The following CACNA2D3 variants were observed in gnomAD, a reference collection of about 807,000 sequenced individuals.
The protein encoded by CACNA2D3 is voltage-dependent calcium channel subunit alpha-2/delta-3.
In CACNA2D3, 60 loss-of-function variants were observed where a neutral mutation model predicts 160.6. The ratio of observed to expected loss-of-function variants is 0.37; its 90% CI spans 0.30 to 0.46. The LOEUF is 0.46. Ranked by LOEUF, CACNA2D3 falls within the 20% of genes least tolerant of loss-of-function variation. CACNA2D3 has a pLI of 1.00. For synonymous variants in CACNA2D3, 558 were observed against 492.9 expected, an observed-to-expected ratio of 1.13 and a Z score of -1.75; for missense variants, 1,205 against 1,365.0, an observed-to-expected ratio of 0.88 and a Z score of 1.85.
chr3:54,294,160 A>G (rs946904312), intron 2 of CACNA2D3, among the ~76,000 whole-genome samples: 1 of 152,186 alleles, frequency 6.6e-6, no homozygotes, highest in African/African-American at 2.4e-5. Flanking sequence ...TTGGGAATTG[A>G]TGAGTAAGAA....
intron 4 of CACNA2D3, among the ~76,000 whole-genome samples, chr3:54,493,060 CTTTTTTTTTTTTTTTTTTTTTT>C (rs34225864): frequency 4.3e-4 from 25 of 58,798 alleles, no homozygotes; most frequent in African/African-American, 1.7e-3. Context: ...TTGCTCAAAA[CTTTTTTTTTTTTTTTTTTTTTT>C]TTTTTTTTTT....
At chr3:54,616,148 T>A (rs571331222) in intron 9 of CACNA2D3, among the ~76,000 whole-genome samples, 1 of 152,210 alleles carries the variant, frequency 6.6e-6, no homozygotes, top group South Asian at 2.1e-4. Context: ...TTATCTCATG[T>A]AGTTCCTGGA....
chr3:54,308,132 T>C (rs1249321334), intron 2 of CACNA2D3, among the ~76,000 whole-genome samples: 2 of 152,176 alleles, frequency 1.3e-5, no homozygotes, highest in African/African-American at 2.4e-5. Context: ...AATCTGAGGT[T>C]TCATCTGGTT....
At position 54,540,709 on chromosome 3, in the gene CACNA2D3, CT is replaced by C. The variant is rs145014746; in HGVS notation, c.545-22083del. Among the ~76,000 whole-genome samples, 8 of 151,954 alleles carry C rather than the reference CT, an allele frequency of 5.3e-5. No homozygotes were observed. The East Asian group carries it at 1.6e-3, about 30-fold the overall frequency. ...AGAGGAAGCGAGCTCTCTTATGTCTCTTTTTTTTAAAGGCACTAATTTCATC... is the reference window on the plus strand; with the variant it reads ...AGAGGAAGCGAGCTCTCTTATGTCTCTTTTTTTAAAGGCACTAATTTCATC... On this transcript the variant is annotated intron_variant, in intron 5 of 37. Coordinates refer to ENST00000474759, the MANE Select transcript of CACNA2D3 (RefSeq NM_018398.3).
At chr3:54,618,161 G>C (rs1305496555) in intron 9 of CACNA2D3, among the ~76,000 whole-genome samples, 1 of 151,502 alleles carries the variant, frequency 6.6e-6, no homozygotes, top group Non-Finnish European at 1.5e-5. Context: ...ACTCTGCATG[G>C]TATAAATGAA....
chr3:54,863,595 G>A (rs1699339633), intron 17 of CACNA2D3, among the ~76,000 whole-genome samples: 2 of 152,060 alleles, frequency 1.3e-5, no homozygotes, highest in Admixed American at 6.6e-5. Context: ...CTACAAAAAC[G>A]GTGGTGGGCT....
intron 11 of CACNA2D3, among the ~76,000 whole-genome samples, chr3:54,704,709 A>C (rs771043704): frequency 3.3e-5 from 5 of 152,144 alleles, no homozygotes; most frequent in African/African-American, 1.2e-4. Context: ...CCCATCTAAC[A>C]TGAGGCAGTG....
At chr3:54,759,167 C>T (rs543552616) in intron 12 of CACNA2D3, among the ~76,000 whole-genome samples, 10 of 152,274 alleles carry the variant, frequency 6.6e-5, no homozygotes, top group African/African-American at 1.7e-4. Flanking sequence ...TAGAGAAAAA[C>T]GAGCAGACCA....
At chr3:54,131,266 A>C (rs1203832707) in intron 2 of CACNA2D3, among the ~76,000 whole-genome samples, 1 of 152,226 alleles carries the variant, frequency 6.6e-6, no homozygotes, top group African/African-American at 2.4e-5. Flanking sequence ...ACTTCAGAGC[A>C]GGAGGAAGGC....
chr3:54,969,942 T>G (rs1373001441), intron 29 of CACNA2D3, 98 bp downstream of exon 29: 8 of 1,018,158 alleles, frequency 7.9e-6, no homozygotes, highest in Admixed American at 2.1e-5. Context: ...AAGGCCAGGT[T>G]GACGCATTGT....
chr3:54,345,039 AG>A (rs1430982793), intron 3 of CACNA2D3, among the ~76,000 whole-genome samples: 1 of 152,228 alleles, frequency 6.6e-6, no homozygotes, highest in Non-Finnish European at 1.5e-5. Flanking sequence ...GTTACCCTAT[AG>A]GGTCTAAAAA....
chr3:54,795,764 T>C (rs1237078954), intron 13 of CACNA2D3, among the ~76,000 whole-genome samples: 2 of 152,198 alleles, frequency 1.3e-5, no homozygotes, highest in Non-Finnish European at 2.9e-5. Flanking sequence ...AAGACCTGAC[T>C]TTCTATACTA....
intron 2 of CACNA2D3, among the ~76,000 whole-genome samples, chr3:54,148,091 C>T (rs1397973961): frequency 6.6e-6 from 1 of 152,238 alleles, no homozygotes; most frequent in Non-Finnish European, 1.5e-5. Flanking sequence ...GCCACTGCGC[C>T]CAGCTGATGG....
intron 4 of CACNA2D3, among the ~76,000 whole-genome samples, chr3:54,401,914 G>A (rs1305939874): frequency 6.6e-6 from 1 of 152,030 alleles, no homozygotes; most frequent in East Asian, 1.9e-4. Flanking sequence ...AGTCAAAACA[G>A]TCAAAAATAA....
At chr3:54,227,078 G>T (rs1033300703) in intron 2 of CACNA2D3, among the ~76,000 whole-genome samples, 3 of 152,168 alleles carry the variant, frequency 2.0e-5, no homozygotes, top group African/African-American at 7.2e-5. Context: ...CTGGCAGACC[G>T]GCAGGGTCAT....
At chr3:54,606,582 G>A (rs937034797) in intron 9 of CACNA2D3, among the ~76,000 whole-genome samples, 1 of 152,210 alleles carries the variant, frequency 6.6e-6, no homozygotes, top group East Asian at 1.9e-4. Flanking sequence ...AGTCTTGGGA[G>A]GATTGCCATT....
At chr3:54,560,865 T>C (rs1316385922) in intron 5 of CACNA2D3, among the ~76,000 whole-genome samples, 6 of 152,210 alleles carry the variant, frequency 3.9e-5, no homozygotes, top group Non-Finnish European at 7.3e-5. Context: ...TTGTCAGGTT[T>C]GTCAAAGATA....
At chr3:54,496,193 G>T (rs1324858773) in intron 4 of CACNA2D3, among the ~76,000 whole-genome samples, 1 of 152,130 alleles carries the variant, frequency 6.6e-6, no homozygotes, top group Admixed American at 6.5e-5. Context: ...GGGTCATATG[G>T]TAGATATATG....
At chr3:54,580,479 C>T (rs1702656349) in intron 8 of CACNA2D3, among the ~76,000 whole-genome samples, 1 of 152,076 alleles carries the variant, frequency 6.6e-6, no homozygotes, top group Non-Finnish European at 1.5e-5. Context: ...AGTTTTAAAG[C>T]ACAAACTCCC....
Sources: gnomAD v4.1 joint callset for allele counts (sites outside exome capture counted in the v4.1 genomes callset) on GRCh38, gnomAD v4.1.1 for gene constraint, MANE v1.5 for transcripts, NCBI Gene and HGNC (gene_info 2026-07-23, HGNC 2026-07-21) for gene names.